Variants in ARHGEF26 observed in about 807,000 individuals in gnomAD.
The protein encoded by ARHGEF26 is Rho guanine nucleotide exchange factor (GEF) 26.
In ARHGEF26, 59 loss-of-function variants were observed where a neutral mutation model predicts 89.4. The observed-to-expected ratio is 0.66, with a 90% confidence interval of 0.54 to 0.82. ARHGEF26 has a LOEUF of 0.82. Ranked by LOEUF, ARHGEF26 falls within the 40% of genes least tolerant of loss-of-function variation. ARHGEF26 has a pLI of 0.00. For synonymous variants in ARHGEF26, 500 were observed against 428.4 expected, an observed-to-expected ratio of 1.17 and a Z score of -2.06; for missense variants, 1,234 against 1,085.6, an observed-to-expected ratio of 1.14 and a Z score of -1.92.
In ARHGEF26 at chr3:154,206,895, G is replaced by C. The variant is rs181923804; in HGVS notation, c.1846-10974G>C. Among the ~76,000 whole-genome samples the C allele has an allele frequency of 4.2e-4, 64 of 152,222 alleles. No individual in the cohort carries two copies. The East Asian group carries it at 0.012, about 28-fold the overall frequency. Reference sequence around the variant, plus strand: ...GGGCTACAGTATCCAAAACAGCATGGTACTGGTACAAAAACTGACACAAAG... The same window carrying C: ...GGGCTACAGTATCCAAAACAGCATGCTACTGGTACAAAAACTGACACAAAG... On this transcript the variant is annotated intron_variant, in intron 9 of 14. Coordinates refer to ENST00000465093, the MANE Select transcript of ARHGEF26 (RefSeq NM_015595.4).
chr3:154,184,274 TCAATTTTCTTTAAA>T (rs955039482), intron 6 of ARHGEF26, among the ~76,000 whole-genome samples: 13 of 152,324 alleles, frequency 8.5e-5, no homozygotes, highest in African/African-American at 2.9e-4. Flanking sequence ...GCCCGGCCTT[TCAATTTTCTTTAAA>T]CAATTTTCTT....
intron 9 of ARHGEF26, among the ~76,000 whole-genome samples, chr3:154,210,515 A>G (rs1021009139): frequency 4.0e-5 from 6 of 151,676 alleles, no homozygotes; most frequent in Admixed American, 2.0e-4. Context: ...GGGTTTCACC[A>G]TGCTGGCCAG....
intron 4 of ARHGEF26, among the ~76,000 whole-genome samples, chr3:154,148,130 C>T (rs892896003): frequency 2.6e-5 from 4 of 152,132 alleles, no homozygotes; most frequent in Admixed American, 6.5e-5. Context: ...TGTTACAGGC[C>T]GTGGAAGGAC....
chr3:154,191,675 A>G (rs1238991942), intron 8 of ARHGEF26, among the ~76,000 whole-genome samples: 2 of 152,134 alleles, frequency 1.3e-5, no homozygotes, highest in African/African-American at 4.8e-5. Context: ...TTTTTGAAAT[A>G]GGAAGAGTTG....
chr3:154,235,735 T>G (rs1225660744), intron 11 of ARHGEF26, among the ~76,000 whole-genome samples: 1 of 152,122 alleles, frequency 6.6e-6, no homozygotes, highest in African/African-American at 2.4e-5. Flanking sequence ...GCCGTATTAG[T>G]GTCAGATCCC....
intron 14 of ARHGEF26, 90 bp downstream of exon 14, chr3:154,254,914 A>G: frequency 9.7e-7 from 1 of 1,035,786 alleles, no homozygotes; most frequent in Non-Finnish European, 1.5e-6. Flanking sequence ...CATTGCCCAT[A>G]TTCCAAATCT....
intron 9 of ARHGEF26, among the ~76,000 whole-genome samples, chr3:154,196,928 A>ACT (rs754682405): frequency 6.6e-6 from 1 of 152,134 alleles, no homozygotes; most frequent in Non-Finnish European, 1.5e-5. Context: ...ATAGGAAGGT[A>ACT]CTAGTAGTTG....
intron 6 of ARHGEF26, among the ~76,000 whole-genome samples, chr3:154,166,687 T>A (rs953781161): frequency 4.1e-4 from 63 of 152,296 alleles, no homozygotes; most frequent in African/African-American, 1.5e-3. Flanking sequence ...GTGTTTTTTC[T>A]TGTGAGCAGT....
chr3:154,186,161 A>ACACACACACACACC (rs1032505745), intron 6 of ARHGEF26, among the ~76,000 whole-genome samples: 2 of 150,798 alleles, frequency 1.3e-5, no homozygotes, highest in Admixed American at 1.3e-4. Flanking sequence ...ACACACACAC[A>ACACACACACACACC]CACACCCCTA....
intron 9 of ARHGEF26, among the ~76,000 whole-genome samples, chr3:154,200,333 A>G (rs1714553068): frequency 6.6e-6 from 1 of 152,042 alleles, no homozygotes; most frequent in Non-Finnish European, 1.5e-5. Context: ...TCCTCAGTGT[A>G]TGTTTTTGGC....
chr3:154,237,454 A>G (rs1576815053), intron 11 of ARHGEF26, among the ~76,000 whole-genome samples: 2 of 151,930 alleles, frequency 1.3e-5, no homozygotes, highest in African/African-American at 4.8e-5. Context: ...AGGCAGGAGA[A>G]TCACTTAAAC....
chr3:154,187,104 A>G (rs1713612997), intron 6 of ARHGEF26: 1 of 268,388 alleles, frequency 3.7e-6, no homozygotes, highest in Middle Eastern at 2.0e-3. Flanking sequence ...GTTGGCCAGG[A>G]TGGTCTCGAT....
At chr3:154,224,407 A>G (rs1464356121) in intron 10 of ARHGEF26, among the ~76,000 whole-genome samples, 3 of 152,230 alleles carry the variant, frequency 2.0e-5, no homozygotes, top group Non-Finnish European at 4.4e-5. Flanking sequence ...TTTAAAAACA[A>G]TAAAACAATT....
chr3:154,153,743 T>C (rs1462811825), intron 6 of ARHGEF26, among the ~76,000 whole-genome samples: 1 of 152,068 alleles, frequency 6.6e-6, no homozygotes, highest in African/African-American at 2.4e-5. Context: ...TGTGTATCTT[T>C]TTAGTAATAC....
At position 154,129,360 on chromosome 3, in the gene ARHGEF26, A is replaced by G. The variant is rs11918824; in HGVS notation, c.1124-214A>G. ...AACTGCTTCTGTTGGCATTCTCTGT[A>G]TGGGCTGGTCCCCTTCCCCTGCAGT... On this transcript the variant is annotated intron_variant, in intron 3 of 14. Transcript: ENST00000465093. Among the ~76,000 whole-genome samples, 7 of 152,292 alleles carry G rather than the reference A, an allele frequency of 4.6e-5. No individual in the cohort carries two copies. The East Asian group carries it at 1.4e-3, about 29-fold the overall frequency.
intron 4 of ARHGEF26, among the ~76,000 whole-genome samples, chr3:154,143,704 A>G (rs745974785): frequency 2.0e-5 from 3 of 152,232 alleles, no homozygotes; most frequent in Non-Finnish European, 2.9e-5. Context: ...AACCACTGCT[A>G]TAAGTCTGGT....
chr3:154,180,793 G>GA, intron 6 of ARHGEF26, among the ~76,000 whole-genome samples: 1 of 151,854 alleles, frequency 6.6e-6, no homozygotes, highest in African/African-American at 2.4e-5. Flanking sequence ...ATAGTCTGCT[G>GA]AAAAGGAAGT....
chr3:154,188,371 T>G (rs1041899693), intron 7 of ARHGEF26, among the ~76,000 whole-genome samples: 2 of 152,206 alleles, frequency 1.3e-5, no homozygotes, highest in African/African-American at 4.8e-5. Flanking sequence ...AAAAAAGTAA[T>G]GTTCTTAAAG....
intron 9 of ARHGEF26, among the ~76,000 whole-genome samples, chr3:154,201,167 C>G (rs1366193694): frequency 3.3e-5 from 5 of 149,944 alleles, no homozygotes; most frequent in African/African-American, 1.2e-4. Flanking sequence ...CCCGACCCCA[C>G]CACAGGCCCC....
Sources: allele counts gnomAD v4.1 joint callset (sites outside exome capture counted in the v4.1 genomes callset), GRCh38; gene constraint gnomAD v4.1.1; transcripts MANE v1.5; gene names NCBI Gene and HGNC (gene_info 2026-07-23, HGNC 2026-07-21).